RNF8: variants seen among roughly 807,000 people sequenced by gnomAD.
The protein encoded by RNF8 is ring finger protein 8.
A neutral mutation model predicts 59.3 loss-of-function variants in RNF8; 8 were observed. That is an observed-to-expected ratio of 0.13 (90% CI 0.08 to 0.24). RNF8 has a LOEUF of 0.24. Among genes scored for constraint, RNF8 ranks in the 10% least tolerant of loss-of-function variants. RNF8 has a pLI of 1.00. For synonymous variants in RNF8, 162 were observed against 200.0 expected (o/e 0.81, Z 1.60); for missense variants, 406 against 572.6 (o/e 0.71, Z 2.97).
rs1384654505 is a variant in RNF8, at chr6:37,394,482, C to T, written c.*3724C>T. On this transcript the variant is annotated 3_prime_UTR_variant, in exon 8 of 8. Coordinates refer to ENST00000373479, the MANE Select transcript of RNF8 (RefSeq NM_003958.4). ...TGTGATAGGCATTCAATAAATACTC[C>T]AATGCTGTCATTCCTTTGTCTACAG... The T allele has an allele frequency of 3.3e-5, 5 of 152,318 alleles. No individual in the cohort carries two copies. Among genetic ancestry groups the T allele is most frequent in the South Asian group, 2.1e-4 (1 of 4,828 alleles). 9.4% of individuals were successfully genotyped at this position (152,318 alleles called of 1,614,324 possible).
chr6:37,373,568 G>C (rs1041315074), intron 4 of RNF8, among the ~76,000 whole-genome samples: 1 of 152,008 alleles, frequency 6.6e-6, no homozygotes, highest in Non-Finnish European at 1.5e-5. Context: ...CACAATGCCC[G>C]ACAATTTTTT....
rs1770717111 is a variant in RNF8 at position 37,391,149 on chromosome 6, G to A, written c.*391G>A. ...GGTGTACCCCATGGCTGCCTCTGAA[G>A]GCAGTGTCTATTTTGAGAGGATGGC... On this transcript the variant is annotated 3_prime_UTR_variant, in exon 8 of 8. Transcript: ENST00000373479. The A allele has an allele frequency of 9.9e-6, 3 of 302,396 alleles. No individual in the cohort carries two copies. In the South Asian group the frequency reaches 2.0e-4, roughly 20 times the overall value. 18.7% of individuals were successfully genotyped at this position (302,396 alleles called of 1,614,324 possible).
At chr6:37,357,375 G>T (rs1299471551) in intron 1 of RNF8, among the ~76,000 whole-genome samples, 1 of 152,110 alleles carries the variant, frequency 6.6e-6, no homozygotes, top group East Asian at 1.9e-4. Context: ...CTTTTTCTGG[G>T]TTCAGAGTCT....
At position 37,354,284 on chromosome 6, in the gene RNF8, G is replaced by A; in HGVS notation, c.111+9G>A. 3.2e-6 allele frequency: 5 copies of A among 1,553,704 alleles called. No homozygotes were observed. The highest frequency in any genetic ancestry group is 4.3e-6 in the Non-Finnish European group (5 of 1,153,912). Reference sequence around the variant, plus strand: ...TGGAAGATGGGTGCGAGGTACGGGGGAAGGGGTCCTGTGGAGCGGAGGGCA... The same window carrying A: ...TGGAAGATGGGTGCGAGGTACGGGGAAAGGGGTCCTGTGGAGCGGAGGGCA... On this transcript the variant is annotated intron_variant, in intron 1 of 7. Transcript: ENST00000373479.
intron 3 of RNF8, among the ~76,000 whole-genome samples, chr6:37,370,958 C>T (rs1244405943): frequency 6.6e-6 from 1 of 152,020 alleles, no homozygotes; most frequent in African/African-American, 2.4e-5. Flanking sequence ...AGGTGCTGGA[C>T]ATATAGGTTA....
At position 37,392,309 on chromosome 6, in the gene RNF8, C is replaced by G; in HGVS notation, c.*1551C>G. The stretch of plus-strand genomic sequence containing the variant: ...GGGTATATGTCAATTTTTATATGTT[C>G]TGTGTTTAGTTTACATATTGTAATT... On this transcript the variant is annotated 3_prime_UTR_variant, in exon 8 of 8. Transcript: ENST00000373479. The G allele has an allele frequency of 2.5e-6, 1 of 397,096 alleles. No individual in the cohort carries two copies. The highest frequency in any genetic ancestry group is 1.4e-4 in the South Asian group (1 of 7,032). The allele number at this position is 397,096 out of a possible 1,614,324, so 24.6% of individuals were successfully genotyped here.
At chr6:37,389,525 G>A (rs9470573) in intron 7 of RNF8, among the ~76,000 whole-genome samples, 435 of 152,160 alleles carry the variant, frequency 2.9e-3, no homozygotes, top group African/African-American at 0.01. Flanking sequence ...ATTTGAGCAT[G>A]TTCCATTGCA....
chr6:37,385,823 G>T, intron 7 of RNF8, among the ~76,000 whole-genome samples: 1 of 146,276 alleles, frequency 6.8e-6, no homozygotes, highest in African/African-American at 2.5e-5. Context: ...TCAAAATGTA[G>T]TTTTTCCTCT....
intron 6 of RNF8, among the ~76,000 whole-genome samples, chr6:37,377,837 C>T (rs1352566373): frequency 1.3e-5 from 2 of 152,182 alleles, no homozygotes; most frequent in African/African-American, 2.4e-5. Flanking sequence ...ATTTCAGGGA[C>T]TCTGAGGCTC....
intron 7 of RNF8, among the ~76,000 whole-genome samples, chr6:37,385,233 G>T (rs1770446289): frequency 6.6e-6 from 1 of 150,942 alleles, no homozygotes; most frequent in Non-Finnish European, 1.5e-5. Context: ...GGCTGGTCTT[G>T]AACTCCCGAC....
At chr6:37,370,895 A>G (rs1179212046) in intron 3 of RNF8, among the ~76,000 whole-genome samples, 1 of 152,188 alleles carries the variant, frequency 6.6e-6, no homozygotes, top group African/African-American at 2.4e-5. Context: ...AAGTTGGCAT[A>G]TTAAATGGGT....
chr6:37,377,061 CTTTTTTTTTTTTT>C (rs35985063), intron 6 of RNF8, 28 bp downstream of exon 6: 86 of 257,958 alleles, frequency 3.3e-4, no homozygotes, highest in East Asian at 1.8e-3. Context: ...CTCACCCCTT[CTTTTTTTTTTTTT>C]TTTTTTTTTT....
intron 4 of RNF8, among the ~76,000 whole-genome samples, chr6:37,372,039 C>G (rs1408161891): frequency 6.6e-6 from 1 of 152,204 alleles, no homozygotes; most frequent in African/African-American, 2.4e-5. Context: ...CAATCAACAA[C>G]ACATATCAAT....
intron 1 of RNF8, chr6:37,359,426 C>T (rs572752270): frequency 5.5e-5 from 13 of 236,642 alleles, no homozygotes; most frequent in South Asian, 1.6e-4. Context: ...GTGTCTTGAA[C>T]GAAGGTATAG....
chr6:37,374,535 A>G, intron 4 of RNF8, 85 bp from the exon 5 acceptor site: 1 of 948,622 alleles, frequency 1.1e-6, no homozygotes, highest in East Asian at 2.5e-5. Flanking sequence ...GTCACTAACT[A>G]GAGGGAGAGA....
intron 2 of RNF8, among the ~76,000 whole-genome samples, chr6:37,364,110 C>G (rs1188542179): frequency 7.4e-6 from 1 of 135,618 alleles, no homozygotes; most frequent in Admixed American, 8.4e-5. Context: ...ACCTGGGAGG[C>G]GGAGCTTGCA....
intron 6 of RNF8, 25 bp downstream of exon 6, chr6:37,377,058 C>CTTT: frequency 3.8e-5 from 26 of 691,914 alleles, no homozygotes; most frequent in Middle Eastern, 2.9e-4. Context: ...TTGCTCACCC[C>CTTT]TTCTTTTTTT....
intron 5 of RNF8, among the ~76,000 whole-genome samples, chr6:37,375,992 A>G (rs1486233894): frequency 6.6e-6 from 1 of 152,200 alleles, no homozygotes; most frequent in Non-Finnish European, 1.5e-5. Context: ...GGGAAGTGGC[A>G]GGTATCATAG....
At position 37,393,459 on chromosome 6, in the gene RNF8, T is replaced by G. The variant is rs2113839345; in HGVS notation, c.*2701T>G. 6.6e-6 allele frequency: 1 copy of G among 152,360 alleles called. No homozygotes were observed. The highest frequency in any genetic ancestry group is 2.1e-4 in the South Asian group (1 of 4,834). The allele number at this position is 152,360 out of a possible 1,614,324, so 9.4% of individuals were successfully genotyped here. On this transcript the variant is annotated 3_prime_UTR_variant, in exon 8 of 8. Transcript: ENST00000373479. ...ACTTGCCTAGAAAATACACGGTAAC[T>G]TTTCTGCCTTGCAGCATCAAACTAT...
Sources: gnomAD v4.1 joint callset for allele counts (sites outside exome capture counted in the v4.1 genomes callset) on GRCh38, gnomAD v4.1.1 for gene constraint, MANE v1.5 for transcripts, NCBI Gene and HGNC (gene_info 2026-07-23, HGNC 2026-07-21) for gene names.